The following PPFIBP1 variants were observed in gnomAD, a reference collection of about 807,000 sequenced individuals.
PPFIBP1 encodes liprin-beta-1.
Under a neutral mutation model 137.8 loss-of-function variants are expected in PPFIBP1, and 112 were observed. The observed-to-expected ratio is 0.81, with a 90% CI of 0.70 to 0.95. The LOEUF is 0.95. Ranked by LOEUF, PPFIBP1 falls within the 40% of genes least tolerant of loss-of-function variation. The pLI is 0.00. For missense variants in PPFIBP1, 1,083 were observed against 1,196.6 expected (o/e 0.91, Z 1.40); for synonymous variants, 378 against 417.3 (o/e 0.91, Z 1.15).
chr12:27,595,921 A>T (rs867666566), intron 2 of PPFIBP1, among the ~76,000 whole-genome samples: 13 of 132,268 alleles, frequency 9.8e-5, no homozygotes, highest in South Asian at 2.4e-4. Flanking sequence ...ATATATATAT[A>T]TTTTATGCCC....
chr12:27,680,031 G>A lies in PPFIBP1; in HGVS notation c.1865G>A (p.Gly622Asp). 1.2e-6 allele frequency: 2 copies of A among 1,614,116 alleles called. No homozygotes were observed. Among genetic ancestry groups the A allele is most frequent in the East Asian group, 4.5e-5 (2 of 44,884 alleles). ...AGGGCAACCGCGGGGCCCCGATTAG[G>A]TTGGTCTCGAGACTTGGGACAGTCT... ...GTRATAGPRL[G>D]WSRDLGQSNS... Residue 622 changes from glycine (G) to aspartate (D), a missense_variant, in exon 21 of 30, where the codon GGT (glycine) becomes GAT (aspartate). Physicochemically the swap from Gly to Asp is moderately conservative, Grantham distance 94 (BLOSUM62 -1). Coordinates refer to ENST00000228425, the MANE Select transcript of PPFIBP1 (RefSeq NM_003622.4).
rs2060277433 is a variant in PPFIBP1, at chr12:27,672,719, G to A, written c.1319+236G>A. ...AGGGTTTTGCAGATCTCATGCCGGG[G>A]TTTTGCAGGTCTCTAGCCTTGCTTC... On this transcript the variant is annotated intron_variant, in intron 15 of 29. Coordinates refer to ENST00000228425, the MANE Select transcript of PPFIBP1 (RefSeq NM_003622.4). Among the ~76,000 whole-genome samples the A allele has an allele frequency of 1.3e-5, 2 of 152,140 alleles. 1 individual carries two copies. Among genetic ancestry groups the A allele is most frequent in the South Asian group, 4.1e-4 (2 of 4,830 alleles).
chr12:27,564,120 C>T (rs1444073434), intron 1 of PPFIBP1, among the ~76,000 whole-genome samples: 1 of 152,172 alleles, frequency 6.6e-6, no homozygotes, highest in East Asian at 1.9e-4. Context: ...ATCCGCCTGC[C>T]TCGGCCTCCC....
chr12:27,592,588 G>A (rs2052652369), intron 2 of PPFIBP1: 2 of 1,547,892 alleles, frequency 1.3e-6, no homozygotes, highest in Non-Finnish European at 1.8e-6. Flanking sequence ...CCTCAGCAGA[G>A]GGGAGAGGAT....
chr12:27,655,376 T>G (rs925762637), intron 8 of PPFIBP1: 18 of 584,760 alleles, frequency 3.1e-5, no homozygotes, highest in African/African-American at 2.4e-4. Flanking sequence ...TCAAGCTGAT[T>G]GAAGGGACAA....
At chr12:27,661,356 C>T (rs1437390095) in intron 11 of PPFIBP1, among the ~76,000 whole-genome samples, 1 of 152,242 alleles carries the variant, frequency 6.6e-6, no homozygotes, top group African/African-American at 2.4e-5. Flanking sequence ...TTCCTTTACA[C>T]TCCTGGCCTG....
chr12:27,608,635 T>C, intron 2 of PPFIBP1: 1 of 420,578 alleles, frequency 2.4e-6, no homozygotes, highest in Non-Finnish European at 4.5e-6. Context: ...TTTCTAGAAC[T>C]ACTAAAAAAC....
chr12:27,642,913 G>A (rs533566729), intron 4 of PPFIBP1, among the ~76,000 whole-genome samples: 1 of 152,120 alleles, frequency 6.6e-6, no homozygotes, highest in South Asian at 2.1e-4. Flanking sequence ...CAAGCCTGCA[G>A]GACGAAAGAA....
intron 2 of PPFIBP1, chr12:27,599,605 A>G: frequency 2.3e-6 from 1 of 433,004 alleles, no homozygotes; most frequent in South Asian, 1.7e-5. Context: ...TTGGTTCTGT[A>G]TCTCTACAGA....
At chr12:27,613,702 C>CA (rs36094116) in intron 2 of PPFIBP1, among the ~76,000 whole-genome samples, 544 of 107,660 alleles carry the variant, frequency 5.1e-3, no homozygotes, top group African/African-American at 9.8e-3. Flanking sequence ...GACTCCATCT[C>CA]AAAAAAAAAA....
intron 27 of PPFIBP1, 124 bp from the exon 28 acceptor site, chr12:27,691,625 A>T: frequency 1.5e-6 from 1 of 646,412 alleles, no homozygotes; most frequent in Non-Finnish European, 2.5e-6. Context: ...ACCATGGGGT[A>T]AATAATTAAA....
intron 2 of PPFIBP1, among the ~76,000 whole-genome samples, chr12:27,592,167 C>T (rs940485533): frequency 3.3e-5 from 5 of 152,166 alleles, no homozygotes; most frequent in Admixed American, 6.5e-5. Context: ...GGAAATAGCC[C>T]GCAGAGAGGC....
At chr12:27,599,346 T>G (rs1235256820) in intron 2 of PPFIBP1, 1 of 404,504 alleles carries the variant, frequency 2.5e-6, no homozygotes, top group African/African-American at 2.1e-5. Context: ...GCTCCTGGAA[T>G]CAGACTGGCA....
chr12:27,589,910 T>G (rs1471893107), intron 2 of PPFIBP1, among the ~76,000 whole-genome samples: 2 of 152,180 alleles, frequency 1.3e-5, no homozygotes, highest in Non-Finnish European at 1.5e-5. Context: ...CTGAATTCCT[T>G]GGTCCTAATA....
chr12:27,677,175 C>A lies in PPFIBP1; in HGVS notation c.1615+79C>A, dbSNP rs376753368. On this transcript the variant is annotated intron_variant, in intron 19 of 29. Transcript: ENST00000228425. Reference sequence around the variant, plus strand: ...AATCCCTGCTCTTGGCATCTGTGATCTCTAGAAAGCGATCTGACAGCAATC... The same window carrying A: ...AATCCCTGCTCTTGGCATCTGTGATATCTAGAAAGCGATCTGACAGCAATC... The A allele has an allele frequency of 2.2e-5, 33 of 1,526,266 alleles. No individual in the cohort carries two copies. In the African/African-American group the frequency reaches 4.0e-4, roughly 18 times the overall value. 94.5% of individuals were successfully genotyped at this position (1,526,266 alleles called of 1,614,324 possible).
At chr12:27,646,335 A>G in intron 5 of PPFIBP1, 187 bp downstream of exon 5, 3 of 630,332 alleles carry the variant, frequency 4.8e-6, no homozygotes, top group Non-Finnish European at 8.9e-6. Context: ...CCAGTTTAAA[A>G]GGAGCTACCA....
chr12:27,595,915 A>G (rs2053231337), intron 2 of PPFIBP1, among the ~76,000 whole-genome samples: 1 of 97,048 alleles, frequency 1.0e-5, no homozygotes, highest in African/African-American at 3.4e-5. Flanking sequence ...ATATATATAT[A>G]TATATATTTT....
intron 2 of PPFIBP1, among the ~76,000 whole-genome samples, chr12:27,601,525 G>GGC (rs1244424416): frequency 2.0e-5 from 3 of 152,182 alleles, no homozygotes; most frequent in African/African-American, 7.2e-5. Flanking sequence ...CACTCTGCTT[G>GGC]ATGCTTTCCC....
At chr12:27,625,091 C>A (rs905301141) in intron 2 of PPFIBP1, among the ~76,000 whole-genome samples, 1 of 151,938 alleles carries the variant, frequency 6.6e-6, no homozygotes, top group Non-Finnish European at 1.5e-5. Flanking sequence ...GGCAACATGG[C>A]GAAACCCTGT....
Sources: gnomAD v4.1 joint callset for allele counts (sites outside exome capture counted in the v4.1 genomes callset) on GRCh38, gnomAD v4.1.1 for gene constraint, MANE v1.5 for transcripts, NCBI Gene and HGNC (gene_info 2026-07-23, HGNC 2026-07-21) for gene names.